The following ARID1B variants were observed in gnomAD, a reference collection of about 807,000 sequenced individuals.
ARID1B encodes the protein AT-rich interaction domain 1B.
A neutral mutation model predicts 212.3 loss-of-function variants in ARID1B; 30 were observed. The observed-to-expected ratio is 0.14, with a 90% confidence interval of 0.11 to 0.19. The LOEUF (loss-of-function observed/expected upper bound fraction) is 0.19, where lower values mean the gene tolerates loss of function less well. Ranked by LOEUF, ARID1B falls within the 10% of genes least tolerant of loss-of-function variation. The probability of loss-of-function intolerance (pLI) is 1.00; values close to 1 mark genes in which losing one functional copy is unlikely to be tolerated. For synonymous variants in ARID1B, 1,402 were observed against 1,301.7 expected, an observed-to-expected ratio of 1.08 and a Z score of -1.66; for missense variants, 2,891 against 3,204.0, an observed-to-expected ratio of 0.90 and a Z score of 2.36.
chr6:157,043,949 C>T (rs1174301302), intron 4 of ARID1B, among the ~76,000 whole-genome samples: 3 of 152,178 alleles, frequency 2.0e-5, no homozygotes, highest in East Asian at 1.9e-4. Flanking sequence ...TCCATTCAAA[C>T]AAATATCTAT....
intron 1 of ARID1B, among the ~76,000 whole-genome samples, chr6:156,822,344 G>A (rs1290240301): frequency 2.6e-5 from 4 of 152,226 alleles, no homozygotes; most frequent in Admixed American, 6.5e-5. Flanking sequence ...GGTTTTAAAT[G>A]CAGGGTTGCA....
At chr6:157,061,905 C>T (rs971479125) in intron 4 of ARID1B, among the ~76,000 whole-genome samples, 7 of 152,092 alleles carry the variant, frequency 4.6e-5, no homozygotes, top group African/African-American at 1.7e-4. Flanking sequence ...TTTTTCCAAA[C>T]GTGCATCGTG....
At chr6:156,808,687 A>G (rs1226854163) in intron 1 of ARID1B, among the ~76,000 whole-genome samples, 3 of 152,254 alleles carry the variant, frequency 2.0e-5, no homozygotes, top group African/African-American at 7.2e-5. Flanking sequence ...GCCACTATGA[A>G]AATTGAAAAT....
chr6:156,914,103 C>T (rs1235957864), intron 3 of ARID1B, among the ~76,000 whole-genome samples: 1 of 147,096 alleles, frequency 6.8e-6, no homozygotes, highest in Non-Finnish European at 1.5e-5. Flanking sequence ...CTCCCCAACT[C>T]CCAGCCCATG....
chr6:156,933,495 G>A (rs1440059447), intron 3 of ARID1B, among the ~76,000 whole-genome samples: 5 of 152,326 alleles, frequency 3.3e-5, no homozygotes, highest in East Asian at 3.9e-4. Context: ...TGGAAGAAAC[G>A]TGGTGTTTGA....
intron 4 of ARID1B, among the ~76,000 whole-genome samples, chr6:157,039,521 G>A (rs1010048010): frequency 4.6e-5 from 7 of 151,512 alleles, no homozygotes; most frequent in Non-Finnish European, 7.4e-5. Flanking sequence ...TAGTAGAGAC[G>A]GGGTTTCACC....
intron 15 of ARID1B, chr6:157,194,309 G>A (rs1401572704): frequency 6.6e-6 from 1 of 152,146 alleles, no homozygotes; most frequent in Non-Finnish European, 1.5e-5. Flanking sequence ...TCTACCACAG[G>A]TTGATGTGAG....
chr6:156,897,672 A>ATC (rs1788594315), intron 2 of ARID1B, among the ~76,000 whole-genome samples: 1 of 151,816 alleles, frequency 6.6e-6, no homozygotes, highest in Non-Finnish European at 1.5e-5. Flanking sequence ...TAAAAAATAT[A>ATC]TATATATATA....
chr6:157,062,708 T>TATA (rs67256455), intron 4 of ARID1B, among the ~76,000 whole-genome samples: 175 of 77,720 alleles, frequency 2.3e-3, no homozygotes, highest in African/African-American at 8.1e-3. Context: ...ATATATATAT[T>TATA]TTTTTTTTTT....
At position 157,172,982 on chromosome 6, in the gene ARID1B, C is replaced by G. The variant is rs2128301937; in HGVS notation, c.3236-1026C>G. 4 of 152,274 alleles carry G rather than the reference C, an allele frequency of 2.6e-5. No individual in the cohort carries two copies. In the South Asian group the frequency reaches 8.3e-4, roughly 32 times the overall value. The allele number at this position is 152,274 out of a possible 1,614,324, so 9.4% of individuals were successfully genotyped here. A position where few individuals can be genotyped will look rare whatever the true frequency, so the allele number is the denominator to read the frequency against. On this transcript the variant is annotated intron_variant, in intron 9 of 19. Transcript: ENST00000636930. ...TATAAGGCTCATCATTCTCTCCCGT[C>G]TCTCTCCTTCCCTCTCTTCCTCACT...
rs1582947091 is a variant in ARID1B, at chr6:156,918,793, G to A, written c.2137-16673G>A. Among the ~76,000 whole-genome samples, 6 of 152,152 alleles carry A rather than the reference G, an allele frequency of 3.9e-5. No homozygotes were observed. The South Asian group carries it at 6.2e-4, about 16-fold the overall frequency. ...GCACAGAGGTGGGGTTAGATAGGCT[G>A]CAGGAGCCACCAGCCTGCCTGCGCT... On this transcript the variant is annotated intron_variant, in intron 3 of 19. Coordinates refer to ENST00000636930, the MANE Select transcript of ARID1B (RefSeq NM_001374828.1).
upstream of ARID1B, chr6:156,776,757 C>A (rs1247577465): frequency 6.6e-6 from 1 of 152,190 alleles, no homozygotes. Flanking sequence ...CTCTTTGGGG[C>A]GGGTGCAGTC....
At chr6:157,095,273 G>A (rs1785534893) in intron 5 of ARID1B, among the ~76,000 whole-genome samples, 1 of 152,198 alleles carries the variant, frequency 6.6e-6, no homozygotes, top group African/African-American at 2.4e-5. Flanking sequence ...CACACAACAT[G>A]CCTGGGAAAG....
At chr6:157,189,917 T>A (rs768173199) in intron 14 of ARID1B, 121 bp from the exon 15 acceptor site, 68 of 1,572,874 alleles carry the variant, frequency 4.3e-5, no homozygotes, top group Non-Finnish European at 5.8e-5. Flanking sequence ...GTTTTCTTCA[T>A]GTCATTTATC....
chr6:156,999,466 A>G (rs80253816), intron 4 of ARID1B, among the ~76,000 whole-genome samples: 5,503 of 152,352 alleles, frequency 0.036, 138 homozygotes, highest in African/African-American at 0.07. Flanking sequence ...AGCAGTCACT[A>G]TTATTGTTGC....
At position 157,206,431 on chromosome 6, in the gene ARID1B, G is replaced by A. The variant is rs1280712992; in HGVS notation, c.5659G>A (p.Ala1887Thr). Residue 1887 changes from alanine (A) to threonine (T), a missense_variant, in exon 20 of 20, where the codon GCT becomes ACT. Coordinates refer to ENST00000636930, the MANE Select transcript of ARID1B (RefSeq NM_001374828.1). The surrounding 1 kb of genome is among the most constrained non-coding windows in gnomAD (Gnocchi z 6.8). ...KTESDEKSSIALTAPDAAADP... is the reference protein window; with the variant it reads ...KTESDEKSSITLTAPDAAADP... ...AGAAAGCGATGAAAAGAGCAGCATC[G>A]CTCTGACTGCCCCGGACGCCGCTGC... 6.2e-6 allele frequency: 10 copies of A among 1,613,990 alleles called. No homozygotes were observed. The highest frequency in any genetic ancestry group is 2.2e-5 in the East Asian group (1 of 44,898).
chr6:157,002,512 T>A (rs1055596091), intron 4 of ARID1B, among the ~76,000 whole-genome samples: 3 of 152,254 alleles, frequency 2.0e-5, no homozygotes, highest in African/African-American at 7.2e-5. Flanking sequence ...AACTTAACTG[T>A]GTAGCCACTG....
chr6:157,169,055 G>A (rs1339613824), intron 9 of ARID1B: 1 of 151,856 alleles, frequency 6.6e-6, no homozygotes. Flanking sequence ...AGAGAGACAG[G>A]AGTGACGCAG....
At chr6:156,894,207 C>T (rs1016147509) in intron 2 of ARID1B, among the ~76,000 whole-genome samples, 1 of 141,784 alleles carries the variant, frequency 7.1e-6, no homozygotes, top group Non-Finnish European at 1.5e-5. Context: ...TGTGATTCTG[C>T]CTATGTGAGA....
Sources: allele counts gnomAD v4.1 joint callset (sites outside exome capture counted in the v4.1 genomes callset), GRCh38; gene constraint gnomAD v4.1.1; non-coding constraint Gnocchi (gnomAD v3.1); transcripts MANE v1.5; gene names NCBI Gene and HGNC (gene_info 2026-07-23, HGNC 2026-07-21).